TRIM5: variants seen among roughly 807,000 people sequenced by gnomAD.
TRIM5 encodes tripartite motif-containing protein 5.
In TRIM5, 31 loss-of-function variants were observed where a neutral mutation model predicts 35.6. That is an observed-to-expected ratio of 0.87 (90% CI 0.65 to 1.18). The LOEUF (loss-of-function observed/expected upper bound fraction) is 1.18, where lower values mean the gene tolerates loss of function less well. Ranked by LOEUF, TRIM5 falls within the 50% of genes most tolerant of loss-of-function variation. The pLI, the probability that TRIM5 is intolerant of heterozygous loss-of-function variation, is 0.00. For missense variants in TRIM5, 609 were observed against 591.6 expected (o/e 1.03, Z -0.31); for synonymous variants, 243 against 215.6 (o/e 1.13, Z -1.11).
At chr11:5,610,192 T>C in the TRIM5 span, 1 of 1,613,916 alleles carries the variant, frequency 6.2e-7, no homozygotes, top group Non-Finnish European at 8.5e-7. Context: ...CCTACAAAGC[T>C]GAGAAGTATG....
chr11:5,655,322 C>A, the TRIM5 span, among the ~76,000 whole-genome samples: 1 of 152,008 alleles, frequency 6.6e-6, no homozygotes, highest in African/African-American at 2.4e-5. Flanking sequence ...TCCTGCCTCC[C>A]AGAATAATAT....
chr11:5,612,918 T>A, the TRIM5 span: 21 of 152,356 alleles, frequency 1.4e-4, no homozygotes, highest in East Asian at 2.9e-3. Flanking sequence ...ATATGTTGGC[T>A]CTATTGGATT....
chr11:5,636,923 G>T, the TRIM5 span, among the ~76,000 whole-genome samples: 11 of 152,176 alleles, frequency 7.2e-5, no homozygotes, highest in Admixed American at 7.2e-4. Flanking sequence ...GAGGTGGGTG[G>T]ATCACGAGGT....
the TRIM5 span, among the ~76,000 whole-genome samples, chr11:5,618,918 T>G: frequency 6.6e-6 from 1 of 152,174 alleles, no homozygotes; most frequent in East Asian, 1.9e-4. Context: ...GAAACATCAG[T>G]GTAGCATGAT....
chr11:5,675,806 T>G (rs1325454540), intron 4 of TRIM5, among the ~76,000 whole-genome samples: 1 of 137,292 alleles, frequency 7.3e-6, no homozygotes, highest in East Asian at 2.1e-4. Context: ...ACCCACTAAC[T>G]CGTCATCTAG....
rs1201335548 is a variant in TRIM5 at position 5,664,951 on chromosome 11, C to T, written c.1340G>A (p.Cys447Tyr). 3 of 1,613,910 alleles carry T rather than the reference C, an allele frequency of 1.9e-6. No individual in the cohort carries two copies. Among genetic ancestry groups the T allele is most frequent in the Non-Finnish European group, 1.7e-6 (2 of 1,180,024 alleles). ...RVGVFLDYEA[C>Y]TVSFFNITNH... ...TGTGATATTGAAGAATGAGACAGTG[C>T]AAGCCTCATAGTCTAGGAAAACTCC... Residue 447 changes from cysteine (C) to tyrosine (Y), a missense_variant, in exon 8 of 8, where the codon TGC (cysteine) becomes TAC (tyrosine). Coordinates refer to ENST00000380034, the MANE Select transcript of TRIM5 (RefSeq NM_033034.3).
chr11:5,592,198 A>G, the TRIM5 span, among the ~76,000 whole-genome samples: 1 of 152,228 alleles, frequency 6.6e-6, no homozygotes, highest in Non-Finnish European at 1.5e-5. Flanking sequence ...ATGTGAATAT[A>G]TGCACAGCAA....
chr11:5,642,550 G>A, the TRIM5 span: 1 of 1,604,796 alleles, frequency 6.2e-7, no homozygotes, highest in Non-Finnish European at 8.5e-7. Flanking sequence ...GATTGTTGTG[G>A]TGTCAGGTAA....
chr11:5,609,645 A>G, the TRIM5 span, among the ~76,000 whole-genome samples: 26 of 152,304 alleles, frequency 1.7e-4, no homozygotes, highest in African/African-American at 5.3e-4. Context: ...AATCTTGGAC[A>G]GGCGCAGTGA....
At position 5,679,771 on chromosome 11, in the gene TRIM5, C is replaced by T. The variant is rs10838525; in HGVS notation, c.407G>A (p.Arg136Gln). The T allele has an allele frequency of 0.33, 519,169 of 1,588,190 alleles. 90,743 individuals are homozygous for T. The highest frequency in any genetic ancestry group is 0.36 in the Non-Finnish European group (422,021 of 1,164,608). The change falls in exon 2 of 8, where the codon CGG becomes CAG. Residue 136 changes from arginine to glutamine, a missense_variant. By Grantham distance (43) the Arg-to-Gln change is conservative. Coordinates refer to ENST00000380034, the MANE Select transcript of TRIM5 (RefSeq NM_033034.3). ...ATCCCAGTCTCTTACTTGGTACTCC[C>T]GGGCAACCTCCTCTGTGAGGAACGT... ...HHTFLTEEVA[R>Q]EYQVKLQAAL...
At chr11:5,643,125 AT>A in the TRIM5 span, 4,719 of 972,972 alleles carry the variant, frequency 4.9e-3, 247 homozygotes, top group African/African-American at 0.035. Flanking sequence ...ATATATATAT[AT>A]TTTTTTTTTT....
At chr11:5,628,228 T>C in the TRIM5 span, among the ~76,000 whole-genome samples, 2 of 152,238 alleles carry the variant, frequency 1.3e-5, no homozygotes, top group African/African-American at 4.8e-5. Flanking sequence ...GCAGAATGCA[T>C]GTTCTACTAC....
chr11:5,603,504 G>A, the TRIM5 span: 24 of 1,614,004 alleles, frequency 1.5e-5, no homozygotes, highest in Non-Finnish European at 1.9e-5. Context: ...CCAGCTACCA[G>A]CCAGGGAACC....
chr11:5,639,707 A>AAAAAAAAT, the TRIM5 span, among the ~76,000 whole-genome samples: 1 of 139,912 alleles, frequency 7.1e-6, no homozygotes. Flanking sequence ...AAAAAAAAAA[A>AAAAAAAAT]GATTGGAAGA....
the TRIM5 span, chr11:5,634,528 CACATATATATAT>C: frequency 8.0e-4 from 430 of 537,072 alleles, 6 homozygotes; most frequent in African/African-American, 8.9e-3. Flanking sequence ...CACACACACA[CACATATATATAT>C]ATATATATTT....
the TRIM5 span, among the ~76,000 whole-genome samples, chr11:5,636,391 G>A: frequency 6.6e-6 from 1 of 152,212 alleles, no homozygotes; most frequent in South Asian, 2.1e-4. Flanking sequence ...TTGCTAATTA[G>A]TGTACAATTT....
the TRIM5 span, chr11:5,633,718 A>G: frequency 7.3e-7 from 1 of 1,377,702 alleles, no homozygotes. Flanking sequence ...TTTTTCTGGG[A>G]TCAACTTGAT....
At chr11:5,606,613 C>G in the TRIM5 span, among the ~76,000 whole-genome samples, 13 of 152,126 alleles carry the variant, frequency 8.5e-5, no homozygotes, top group Non-Finnish European at 1.5e-4. Context: ...TGCTTTGCAT[C>G]TTCATTTTAT....
At chr11:5,596,033 C>G in the TRIM5 span, 1 of 152,398 alleles carries the variant, frequency 6.6e-6, no homozygotes, top group South Asian at 2.1e-4. Context: ...GGTGACCACA[C>G]CCATGGAATC....
Sources: allele counts gnomAD v4.1 joint callset (sites outside exome capture counted in the v4.1 genomes callset), GRCh38; gene constraint gnomAD v4.1.1; transcripts MANE v1.5; gene names NCBI Gene and HGNC (gene_info 2026-07-23, HGNC 2026-07-21).